Variants in SSBP3 observed in about 807,000 individuals in gnomAD.
SSBP3 encodes single-stranded DNA-binding protein 3.
A neutral mutation model predicts 69.6 loss-of-function variants in SSBP3; 5 were observed. The ratio of observed to expected loss-of-function variants is 0.07; its 90% CI spans 0.04 to 0.15. SSBP3 has a LOEUF of 0.15. SSBP3 is among the 10% of genes least tolerant of loss of function. The pLI is 1.00. For synonymous variants in SSBP3, 196 were observed against 193.4 expected (o/e 1.01, Z -0.11); for missense variants, 312 against 534.0 (o/e 0.58, Z 4.10).
chr1:54,381,655 C>T (rs1449842236), intron 4 of SSBP3, among the ~76,000 whole-genome samples: 1 of 152,202 alleles, frequency 6.6e-6, no homozygotes, highest in Non-Finnish European at 1.5e-5. Context: ...CAAGTCCACA[C>T]CCACCCACGC....
At chr1:54,228,511 G>C in intron 15 of SSBP3, 34 bp from the exon 16 acceptor site, 1 of 1,613,888 alleles carries the variant, frequency 6.2e-7, no homozygotes. Flanking sequence ...TCAGTTTCTT[G>C]CTTGCTCTTC....
At chr1:54,407,034 T>A (rs1052613559), upstream of SSBP3, among the ~76,000 whole-genome samples, 227 of 151,892 alleles carry the variant, frequency 1.5e-3, no homozygotes, top group Non-Finnish European at 2.7e-3. Context: ...CGCTGAGAGC[T>A]GGGCGGCTCG....
At chr1:54,237,942 C>T in intron 14 of SSBP3, 1 of 362,156 alleles carries the variant, frequency 2.8e-6, no homozygotes, top group East Asian at 7.5e-5. Context: ...GCAGATCATC[C>T]ACGCCATTTC....
At chr1:54,397,739 G>T (rs1484652043) in intron 4 of SSBP3, among the ~76,000 whole-genome samples, 1 of 152,166 alleles carries the variant, frequency 6.6e-6, no homozygotes, top group Non-Finnish European at 1.5e-5. Context: ...AGAGGCCTGG[G>T]GTTGGAGCAG....
intron 4 of SSBP3, among the ~76,000 whole-genome samples, chr1:54,387,259 T>A (rs552559599): frequency 3.2e-4 from 49 of 152,280 alleles, no homozygotes; most frequent in Middle Eastern, 3.4e-3. Context: ...GTTGAGAGAA[T>A]CGGGGAGACC....
rs568028947 is a variant in SSBP3 at position 54,274,713 on chromosome 1, G to A, written c.366+6725C>T. 5.7e-4 allele frequency among the ~76,000 whole-genome samples: 87 copies of A among 152,296 alleles called. 1 individual carries two copies. The South Asian group carries it at 0.012, about 22-fold the overall frequency. ...CAGCTGGACTCCACACTGGCCAGCCGGCCAAGGGCCCAGCCCCTCCAGGCC... is the reference window on the plus strand; with the variant it reads ...CAGCTGGACTCCACACTGGCCAGCCAGCCAAGGGCCCAGCCCCTCCAGGCC... On this transcript the variant is annotated intron_variant, in intron 5 of 17. Transcript: ENST00000610401.
intron 4 of SSBP3, among the ~76,000 whole-genome samples, chr1:54,339,868 C>T (rs892827387): frequency 1.3e-4 from 20 of 152,114 alleles, no homozygotes; most frequent in Non-Finnish European, 2.2e-4. Context: ...GAGCTGAGAT[C>T]GTGCCACTTC....
chr1:54,395,243 G>A (rs1648782201), intron 4 of SSBP3, among the ~76,000 whole-genome samples: 1 of 152,166 alleles, frequency 6.6e-6, no homozygotes, highest in African/African-American at 2.4e-5. Context: ...CTCTCTCAAG[G>A]CCGTCCCCAT....
At chr1:54,242,874 C>T (rs660306) in intron 10 of SSBP3, 110,923 of 182,254 alleles carry the variant, frequency 0.61, 34,281 homozygotes, top group South Asian at 0.75. Context: ...CGCTTGAACC[C>T]GGGAGGCGGA....
chr1:54,301,210 C>G (rs879396345), intron 4 of SSBP3, among the ~76,000 whole-genome samples: 1 of 152,206 alleles, frequency 6.6e-6, no homozygotes, highest in Non-Finnish European at 1.5e-5. Flanking sequence ...TATTAATTCT[C>G]TGCCAACAGT....
upstream of SSBP3, among the ~76,000 whole-genome samples, chr1:54,408,567 C>T (rs1428371432): frequency 1.3e-5 from 2 of 152,200 alleles, no homozygotes; most frequent in Admixed American, 1.3e-4. Flanking sequence ...TGCTATGACC[C>T]AGGACTCAAC....
intron 4 of SSBP3, among the ~76,000 whole-genome samples, chr1:54,308,749 C>G (rs1384431171): frequency 1.3e-5 from 2 of 151,854 alleles, no homozygotes; most frequent in Non-Finnish European, 2.9e-5. Context: ...GCCTGGGTGA[C>G]AGAGCGAGAC....
chr1:54,229,896 T>C (rs773349064), intron 14 of SSBP3, among the ~76,000 whole-genome samples: 3 of 152,192 alleles, frequency 2.0e-5, no homozygotes, highest in Non-Finnish European at 4.4e-5. Context: ...ACAGAGATGC[T>C]GACTTCCAAA....
At chr1:54,354,335 G>C (rs535937385) in intron 4 of SSBP3, among the ~76,000 whole-genome samples, 1 of 152,190 alleles carries the variant, frequency 6.6e-6, no homozygotes, top group Non-Finnish European at 1.5e-5. Context: ...AGTGAGGCAA[G>C]TCTTTCCACC....
At chr1:54,376,270 C>T (rs893396973) in intron 4 of SSBP3, among the ~76,000 whole-genome samples, 1 of 152,092 alleles carries the variant, frequency 6.6e-6, no homozygotes, top group Non-Finnish European at 1.5e-5. Flanking sequence ...CAGGAAAAAA[C>T]CTGCCCCCAC....
intron 5 of SSBP3, among the ~76,000 whole-genome samples, chr1:54,280,842 G>A (rs1025984104): frequency 1.2e-4 from 18 of 152,140 alleles, no homozygotes; most frequent in Non-Finnish European, 8.8e-5. Context: ...CTCGACCCAC[G>A]TGGGATCTGT....
chr1:54,234,947 T>C (rs1178824252), intron 14 of SSBP3, among the ~76,000 whole-genome samples: 1 of 152,194 alleles, frequency 6.6e-6, no homozygotes. Context: ...TTCTTTTAAA[T>C]GCACTGGTAA....
At position 54,242,122 on chromosome 1, in the gene SSBP3, G is replaced by A. The variant is rs374367173; in HGVS notation, c.765+42C>T. ...CAGTAGCTCCCCTGCACCCAGAACC[G>A]CTCCCCTGACAAACACCACCCCACC... On this transcript the variant is annotated intron_variant, in intron 11 of 17. Coordinates refer to ENST00000610401, the Ensembl canonical transcript of SSBP3. The A allele has an allele frequency of 1.2e-5, 20 of 1,608,440 alleles. No homozygotes were observed. The Admixed American group carries it at 1.5e-4, about 12-fold the overall frequency.
At chr1:54,337,540 C>G (rs1646532219) in intron 4 of SSBP3, among the ~76,000 whole-genome samples, 1 of 122,966 alleles carries the variant, frequency 8.1e-6, no homozygotes, top group South Asian at 2.7e-4. Flanking sequence ...GTCTGTTGCC[C>G]AGGCTGGAGT....
Sources: allele counts gnomAD v4.1 joint callset (sites outside exome capture counted in the v4.1 genomes callset), GRCh38; gene constraint gnomAD v4.1.1; transcripts MANE v1.5; gene names NCBI Gene and HGNC (gene_info 2026-07-23, HGNC 2026-07-21).